PTPRD: variants seen among roughly 807,000 people sequenced by gnomAD.
The protein encoded by PTPRD is protein tyrosine phosphatase receptor type D.
PTPRD carries 34 observed loss-of-function variants against 214.5 expected under a neutral mutation model. The ratio of observed to expected loss-of-function variants is 0.16; its 90% CI spans 0.12 to 0.21. The LOEUF (loss-of-function observed/expected upper bound fraction) is 0.21, where lower values mean the gene tolerates loss of function less well. Among genes scored for constraint, PTPRD ranks in the 10% least tolerant of loss-of-function variants. PTPRD has a pLI of 1.00. For synonymous variants in PTPRD, 1,128 were observed against 845.7 expected (o/e 1.33, Z -5.79); for missense variants, 2,545 against 2,398.7 (o/e 1.06, Z -1.27).
intron 7 of PTPRD, among the ~76,000 whole-genome samples, chr9:9,715,424 A>G: frequency 6.6e-6 from 1 of 152,160 alleles, no homozygotes; most frequent in South Asian, 2.1e-4. Context: ...TCATTTCATA[A>G]CATTAGTGAT....
intron 3 of PTPRD, among the ~76,000 whole-genome samples, chr9:10,213,831 C>G (rs950539529): frequency 6.6e-6 from 1 of 151,984 alleles, no homozygotes; most frequent in African/African-American, 2.4e-5. Context: ...TATTATCACC[C>G]TTAGTTTTCT....
chr9:9,356,956 G>A (rs1386892257), intron 9 of PTPRD, among the ~76,000 whole-genome samples: 1 of 151,326 alleles, frequency 6.6e-6, no homozygotes, highest in Non-Finnish European at 1.5e-5. Flanking sequence ...AAATACATCT[G>A]TAAAATAAGG....
At chr9:9,629,226 ATG>A (rs1003113739) in intron 7 of PTPRD, among the ~76,000 whole-genome samples, 33 of 134,830 alleles carry the variant, frequency 2.4e-4, no homozygotes, top group Middle Eastern at 7.7e-3. Flanking sequence ...GGAGATATAT[ATG>A]TGTGTGTGTG....
chr9:8,920,551 A>G (rs1029427810), intron 11 of PTPRD, among the ~76,000 whole-genome samples: 3 of 152,168 alleles, frequency 2.0e-5, no homozygotes, highest in African/African-American at 7.2e-5. Flanking sequence ...GGTCACACAT[A>G]AAATACACTA....
At chr9:9,120,482 G>A (rs543575848) in intron 10 of PTPRD, among the ~76,000 whole-genome samples, 1 of 152,290 alleles carries the variant, frequency 6.6e-6, no homozygotes, top group Admixed American at 6.5e-5. Flanking sequence ...ATGGAGCTAT[G>A]GAAAAGTCTG....
intron 2 of PTPRD, among the ~76,000 whole-genome samples, chr9:10,470,878 A>G (rs1444868269): frequency 6.6e-6 from 1 of 152,178 alleles, no homozygotes; most frequent in Non-Finnish European, 1.5e-5. Context: ...ACTATTCACA[A>G]TAGCAAAGAC....
intron 4 of PTPRD, among the ~76,000 whole-genome samples, chr9:10,000,126 C>G (rs539439836): frequency 6.6e-6 from 1 of 152,118 alleles, no homozygotes; most frequent in Non-Finnish European, 1.5e-5. Context: ...AAGTTATTCT[C>G]CAATGGCAAG....
intron 14 of PTPRD, among the ~76,000 whole-genome samples, chr9:8,623,662 C>A (rs939356264): frequency 3.3e-5 from 5 of 151,890 alleles, no homozygotes; most frequent in African/African-American, 1.2e-4. Context: ...AACAGCTTTA[C>A]ATGGATTATC....
At chr9:8,524,684 T>C (rs2097970429) in intron 18 of PTPRD, 1 of 595,876 alleles carries the variant, frequency 1.7e-6, no homozygotes, top group South Asian at 1.9e-5. Flanking sequence ...AACCAAGATG[T>C]AAAAATGCAA....
At chr9:10,003,870 A>C (rs1349237320) in intron 4 of PTPRD, among the ~76,000 whole-genome samples, 1 of 151,800 alleles carries the variant, frequency 6.6e-6, no homozygotes, top group Non-Finnish European at 1.5e-5. Flanking sequence ...AAATTTTAAA[A>C]AGCCGACATA....
At chr9:10,384,056 G>A (rs1362879250) in intron 2 of PTPRD, among the ~76,000 whole-genome samples, 2 of 147,316 alleles carry the variant, frequency 1.4e-5, no homozygotes, top group Non-Finnish European at 3.0e-5. Context: ...AGGAGGAGGT[G>A]GGGATGGTTA....
chr9:10,045,074 C>G, intron 3 of PTPRD, among the ~76,000 whole-genome samples: 1 of 151,610 alleles, frequency 6.6e-6, no homozygotes, highest in South Asian at 2.1e-4. Flanking sequence ...AACATTTATT[C>G]AAGATTCAGA....
At chr9:9,742,242 C>G (rs1441110793) in intron 6 of PTPRD, among the ~76,000 whole-genome samples, 1 of 151,962 alleles carries the variant, frequency 6.6e-6, no homozygotes, top group Non-Finnish European at 1.5e-5. Context: ...GTAAAATTGG[C>G]TGAGAAACTT....
At chr9:8,331,547 A>ACTTATCACTG in intron 44 of PTPRD, 35 bp downstream of exon 44, 1 of 1,491,694 alleles carries the variant, frequency 6.7e-7, no homozygotes, top group Non-Finnish European at 9.0e-7. Context: ...AAACACCACC[A>ACTTATCACTG]CTTATCACTG....
At chr9:9,545,058 C>T (rs990256895) in intron 8 of PTPRD, among the ~76,000 whole-genome samples, 2 of 151,498 alleles carry the variant, frequency 1.3e-5, no homozygotes, top group Non-Finnish European at 3.0e-5. Context: ...ACTTCTTGTC[C>T]CACATATGGA....
intron 9 of PTPRD, among the ~76,000 whole-genome samples, chr9:9,297,604 A>T (rs1953576327): frequency 6.6e-6 from 1 of 151,724 alleles, no homozygotes; most frequent in Non-Finnish European, 1.5e-5. Context: ...TAATCCCAGA[A>T]ATATAATTTT....
At chr9:9,026,090 G>A (rs2099586075) in intron 10 of PTPRD, among the ~76,000 whole-genome samples, 1 of 151,378 alleles carries the variant, frequency 6.6e-6, no homozygotes, top group Admixed American at 6.6e-5. Flanking sequence ...GTAGTGAATG[G>A]GCAGCACTGG....
At chr9:9,703,820 T>G (rs968240195) in intron 7 of PTPRD, among the ~76,000 whole-genome samples, 2 of 152,172 alleles carry the variant, frequency 1.3e-5, no homozygotes, top group African/African-American at 2.4e-5. Flanking sequence ...ATACAGTATT[T>G]TAAAACCATG....
At chr9:9,038,849 G>A (rs1326488812) in intron 10 of PTPRD, among the ~76,000 whole-genome samples, 3 of 151,998 alleles carry the variant, frequency 2.0e-5, no homozygotes, top group East Asian at 3.9e-4. Context: ...GAGCCACCCC[G>A]CCCAGCAGAT....
Sources: gnomAD v4.1 joint callset for allele counts (sites outside exome capture counted in the v4.1 genomes callset) on GRCh38, gnomAD v4.1.1 for gene constraint, MANE v1.5 for transcripts, NCBI Gene and HGNC (gene_info 2026-07-23, HGNC 2026-07-21) for gene names.